SDHA: variants seen among roughly 807,000 people sequenced by gnomAD.
The protein encoded by SDHA is succinate dehydrogenase [ubiquinone] flavoprotein subunit, mitochondrial.
In SDHA, 48 loss-of-function variants were observed where a neutral mutation model predicts 78.4. The observed-to-expected ratio is 0.61, with a 90% CI of 0.49 to 0.78. The LOEUF is 0.78. Among genes scored for constraint, SDHA ranks in the 30% least tolerant of loss-of-function variants. The pLI is 0.00. For missense variants in SDHA, 680 were observed against 892.7 expected (o/e 0.76, Z 3.04); for synonymous variants, 326 against 353.9 (o/e 0.92, Z 0.88).
chr5:262,567 C>G, the SDHA span, among the ~76,000 whole-genome samples: 1 of 152,102 alleles, frequency 6.6e-6, no homozygotes, highest in Non-Finnish European at 1.5e-5. Context: ...GAGATGGAAC[C>G]GTTTCATCTC....
intron 10 of SDHA, among the ~76,000 whole-genome samples, chr5:237,964 T>C (rs1291878747): frequency 7.3e-6 from 1 of 136,132 alleles, no homozygotes; most frequent in Non-Finnish European, 1.5e-5. Flanking sequence ...CTTGTCTCAC[T>C]CCATAGCCCT....
chr5:266,649 A>C, the SDHA span, among the ~76,000 whole-genome samples: 2 of 152,206 alleles, frequency 1.3e-5, no homozygotes. Context: ...GTCAATATAA[A>C]AAGAAAGTAG....
intron 11 of SDHA, among the ~76,000 whole-genome samples, chr5:246,785 C>G (rs576792123): frequency 5.3e-5 from 8 of 152,334 alleles, no homozygotes; most frequent in Admixed American, 5.2e-4. Context: ...CATACTAATT[C>G]ATGGACTCTA....
At chr5:245,424 G>A (rs190248921) in intron 11 of SDHA, among the ~76,000 whole-genome samples, 28 of 152,346 alleles carry the variant, frequency 1.8e-4, no homozygotes, top group African/African-American at 6.7e-4. Flanking sequence ...AGCCTGCTAA[G>A]CGTTTTCATT....
chr5:232,950 G>T (rs1422044308), intron 7 of SDHA, among the ~76,000 whole-genome samples: 2 of 152,172 alleles, frequency 1.3e-5, no homozygotes, highest in African/African-American at 4.8e-5. Context: ...CACTGAGAAA[G>T]GGGGTCGTAC....
intron 1 of SDHA, among the ~76,000 whole-genome samples, chr5:220,808 G>C (rs1734669164): frequency 1.5e-5 from 2 of 133,120 alleles, no homozygotes; most frequent in African/African-American, 7.0e-5. Context: ...AACCATGTGT[G>C]AACTGAATTT....
chr5:219,388 C>T (rs570871194), intron 1 of SDHA, among the ~76,000 whole-genome samples: 1 of 152,232 alleles, frequency 6.6e-6, no homozygotes, highest in Non-Finnish European at 1.5e-5. Flanking sequence ...TTTAAATGAA[C>T]TTACCCACCC....
chr5:253,039 G>A (rs1320188366), intron 13 of SDHA: 1 of 152,238 alleles, frequency 6.6e-6, no homozygotes, highest in Non-Finnish European at 1.5e-5. Flanking sequence ...TTCTTCAGAT[G>A]AACTGATTTT....
chr5:245,976 A>G (rs1736424583), intron 11 of SDHA, among the ~76,000 whole-genome samples: 1 of 152,204 alleles, frequency 6.6e-6, no homozygotes, highest in African/African-American at 2.4e-5. Flanking sequence ...TCTATTTTCT[A>G]TCCTTAGAGG....
rs987288514 is a variant in SDHA, at chr5:225,459, A to G, written c.353A>G (p.Asn118Ser). 6.2e-7 allele frequency: 1 copy of G among 1,613,242 alleles called. No homozygotes were observed. Among genetic ancestry groups the G allele is most frequent in the Non-Finnish European group, 8.5e-7 (1 of 1,179,832 alleles). The stretch of plus-strand genomic sequence containing the variant: ...GCTCTGGGGAACATGGAGGAGGACA[A>G]CTGGAGGTGGCATTTCTACGACACC... ...NAALGNMEED[N>S]WRWHFYDTVK... The change falls in exon 4 of 15, where the codon AAC becomes AGC. Residue 118 changes from asparagine to serine, a missense_variant. Coordinates refer to ENST00000264932, the MANE Select transcript of SDHA (RefSeq NM_004168.4).
intron 13 of SDHA, chr5:251,971 A>G: frequency 2.9e-6 from 1 of 348,208 alleles, no homozygotes; most frequent in South Asian, 2.3e-5. Flanking sequence ...CGAGTAAGCC[A>G]CCGTTTCAAG....
chr5:245,143 C>G (rs552020508), intron 11 of SDHA, among the ~76,000 whole-genome samples: 1 of 152,226 alleles, frequency 6.6e-6, no homozygotes, highest in South Asian at 2.1e-4. Flanking sequence ...AGAAAAGGGA[C>G]ACATAGCTCC....
At position 233,635 on chromosome 5, in the gene SDHA, C is replaced by T. The variant is rs746165168; in HGVS notation, c.1054C>T (p.Arg352Ter). ...VVSRSMTLEI[R>*]EGRGCGPEKD... The stretch of plus-strand genomic sequence containing the variant: ...GTCTCGGTCCATGACTCTGGAGATC[C>T]GAGAAGGAAGGTGCGTGTGATTTAC... The change falls in exon 8 of 15, where the codon CGA becomes TGA. Residue 352 changes from arginine (R) to a stop codon, truncating the protein, a stop_gained. Transcript: ENST00000264932. LOFTEE classifies it high-confidence loss of function. The T allele has an allele frequency of 3.1e-6, 5 of 1,613,804 alleles. No homozygotes were observed. Among genetic ancestry groups the T allele is most frequent in the African/African-American group, 1.3e-5 (1 of 74,882 alleles).
chr5:234,002 A>G (rs1735594482), intron 8 of SDHA: 1 of 319,282 alleles, frequency 3.1e-6, no homozygotes, highest in African/African-American at 2.1e-5. Flanking sequence ...TGTGTGGGTT[A>G]TTTGGCTTTC....
intron 6 of SDHA, among the ~76,000 whole-genome samples, chr5:229,762 G>A (rs1735269001): frequency 6.7e-6 from 1 of 149,662 alleles, no homozygotes; most frequent in Non-Finnish European, 1.5e-5. Flanking sequence ...CAGCATGGTG[G>A]TTAGAGTTAA....
At chr5:240,590 T>C (rs1232833196) in intron 11 of SDHA, 114 bp downstream of exon 11, 1 of 757,490 alleles carries the variant, frequency 1.3e-6, no homozygotes, top group Non-Finnish European at 2.4e-6. Context: ...TTTGTGTGGA[T>C]GTACTGGGAG....
chr5:230,906 G>C lies in SDHA; in HGVS notation c.801G>C (p.Thr267=). The C allele has an allele frequency of 1.2e-6, 2 of 1,614,108 alleles. No homozygotes were observed. Among genetic ancestry groups the C allele is most frequent in the Non-Finnish European group, 8.5e-7 (1 of 1,179,984 alleles). ...GGYGRTYFSC[T]SAHTSTGDGT... ...ACGGGCGCACCTACTTCAGCTGCACGTCTGCCCACACCAGCACTGGCGACG... is the reference window on the plus strand; with the variant it reads ...ACGGGCGCACCTACTTCAGCTGCACCTCTGCCCACACCAGCACTGGCGACG... The change falls in exon 7 of 15, where the codon ACG becomes ACC. Residue 267 remains threonine, a synonymous_variant. Transcript: ENST00000264932.
Position 234,674 on chromosome 5 carries a change from G to A in SDHA, c.1065-470G>A, listed in dbSNP as rs1463608208. ...CCTGGAGTTGCTGTAAAACTTAAAC[G>A]TAAAACTTGAAATGAGGATGATTTA... is the stretch of plus-strand genomic sequence containing the variant. On this transcript the variant is annotated intron_variant, in intron 8 of 14. Transcript: ENST00000264932. The A allele has an allele frequency of 4.7e-5, 10 of 212,376 alleles. No individual in the cohort carries two copies. The East Asian group carries it at 9.5e-4, about 20-fold the overall frequency. The allele number at this position is 212,376 out of a possible 1,614,324, so 13.2% of individuals were successfully genotyped here.
intron 11 of SDHA, among the ~76,000 whole-genome samples, chr5:247,960 A>G (rs1250980377): frequency 3.3e-5 from 5 of 151,806 alleles, no homozygotes; most frequent in Non-Finnish European, 5.9e-5. Context: ...GAAAACAGGG[A>G]CTACGGGACA....
Sources: allele counts gnomAD v4.1 joint callset (sites outside exome capture counted in the v4.1 genomes callset), GRCh38; gene constraint gnomAD v4.1.1; transcripts MANE v1.5; gene names NCBI Gene and HGNC (gene_info 2026-07-23, HGNC 2026-07-21).